The following AFF2 variants were observed in gnomAD, a reference collection of about 807,000 sequenced individuals.
The protein encoded by AFF2 is ALF transcription elongation factor 2, also known as AF4/FMR2 family member 2.
AFF2 carries 14 observed loss-of-function variants against 76.9 expected under a neutral mutation model. The observed-to-expected ratio is 0.18, with a 90% CI of 0.12 to 0.28. The LOEUF is 0.28. Among genes scored for constraint, AFF2 ranks in the 10% least tolerant of loss-of-function variants. The probability of loss-of-function intolerance (pLI) is 1.00; values close to 1 mark genes in which losing one functional copy is unlikely to be tolerated. For synonymous variants in AFF2, 398 were observed against 366.7 expected, an observed-to-expected ratio of 1.09 and a Z score of -0.98; for missense variants, 868 against 1,001.1, an observed-to-expected ratio of 0.87 and a Z score of 1.79.
At chrX:148,558,423 C>T (rs1557239969) in intron 1 of AFF2, among the ~76,000 whole-genome samples, 1 of 111,213 alleles carries the variant, frequency 9.0e-6, no homozygotes, top group Non-Finnish European at 1.9e-5. Flanking sequence ...CCTTTGAAGC[C>T]AGAAGCCAGA....
intron 4 of AFF2, among the ~76,000 whole-genome samples, chrX:148,812,432 G>T (rs190138441): frequency 9.0e-6 from 1 of 111,580 alleles, no homozygotes; most frequent in Admixed American, 9.5e-5. Context: ...GCTTCCAGTT[G>T]CTCATGAGAT....
At chrX:148,772,507 GT>G (rs1214246173) in intron 3 of AFF2, among the ~76,000 whole-genome samples, 5 of 95,390 alleles carry the variant, frequency 5.2e-5, no homozygotes, top group East Asian at 3.4e-4. Flanking sequence ...TTTCAAAGTT[GT>G]TTTTTTTTCT....
At position 148,500,667 on chromosome X, in the gene AFF2, C is replaced by CGCCGCCGCCGCCGCCGCT. The variant is rs1361216977; in HGVS notation, c.-424_-407dup. On this transcript the variant is annotated 5_prime_UTR_variant, in exon 1 of 21. Transcript: ENST00000370460. ...CCGCCGCCGCCGCCGCCGCCGCCGC[C>CGCCGCCGCCGCCGCCGCT]GCCGCCGCCGCCGCCGCTGCCGCCC... 1.0e-5 allele frequency: 1 copy of CGCCGCCGCCGCCGCCGCT among 96,101 alleles called. No individual in the cohort carries two copies. The highest frequency in any genetic ancestry group is 2.1e-5 in the Non-Finnish European group (1 of 47,168). 7.9% of individuals were successfully genotyped at this position (96,101 alleles called of 1,213,427 possible). A position where few individuals can be genotyped will look rare whatever the true frequency, so the allele number is the denominator to read the frequency against.
intron 3 of AFF2, among the ~76,000 whole-genome samples, chrX:148,752,888 G>C (rs1239111474): frequency 2.7e-5 from 3 of 111,455 alleles, no homozygotes; most frequent in Non-Finnish European, 5.7e-5. Context: ...TTGAGCAAAG[G>C]GTTCTTAGAC....
At chrX:148,785,495 C>T (rs1005388346) in intron 3 of AFF2, among the ~76,000 whole-genome samples, 19 of 111,886 alleles carry the variant, frequency 1.7e-4, no homozygotes, top group African/African-American at 6.2e-4. Context: ...GCATTAGTAA[C>T]AGCCTTCCTG....
chrX:148,751,571 C>T (rs1386729946), intron 3 of AFF2, among the ~76,000 whole-genome samples: 1 of 112,009 alleles, frequency 8.9e-6, no homozygotes, highest in Non-Finnish European at 1.9e-5. Context: ...TAAGAGTGTG[C>T]TAAGCAACCT....
intron 1 of AFF2, among the ~76,000 whole-genome samples, chrX:148,559,243 C>T (rs782814805): frequency 1.8e-5 from 2 of 111,344 alleles, no homozygotes. Context: ...AATCAAGACG[C>T]ATGCAGAAAA....
intron 15 of AFF2, among the ~76,000 whole-genome samples, chrX:148,971,126 G>GTT (rs142941450): frequency 6.5e-4 from 45 of 69,107 alleles, no homozygotes; most frequent in African/African-American, 1.9e-3. Context: ...TAACTTCATT[G>GTT]TTTTTTTTTT....
chrX:148,630,775 G>A (rs868993406), intron 1 of AFF2, among the ~76,000 whole-genome samples: 1 of 111,842 alleles, frequency 8.9e-6, no homozygotes, highest in Non-Finnish European at 1.9e-5. Flanking sequence ...AACCTTTACA[G>A]GTTCCCCTCT....
chrX:148,943,301 G>A (rs2071862876), intron 9 of AFF2, among the ~76,000 whole-genome samples: 1 of 112,506 alleles, frequency 8.9e-6, no homozygotes, highest in Non-Finnish European at 1.9e-5. Flanking sequence ...CTTTGAATAG[G>A]CTGACTGCAA....
rs186968345 is a variant in AFF2 at position 148,543,285 on chromosome X, A to T, written c.47+42141A>T. Among the ~76,000 whole-genome samples the T allele has an allele frequency of 9.0e-4, 101 of 111,992 alleles. 1 individual carries two copies. Among genetic ancestry groups the T allele is most frequent in the Non-Finnish European group, 1.6e-3 (85 of 53,223 alleles). ...AGAGCCCTGCTGATAGGCTTGGTTCATTGAAATGTGAATCTTATGTGCAAT... is the reference window on the plus strand; with the variant it reads ...AGAGCCCTGCTGATAGGCTTGGTTCTTTGAAATGTGAATCTTATGTGCAAT... On this transcript the variant is annotated intron_variant, in intron 1 of 20. Coordinates refer to ENST00000370460, the MANE Select transcript of AFF2 (RefSeq NM_002025.4).
chrX:148,628,680 C>A (rs1362922741), intron 1 of AFF2, among the ~76,000 whole-genome samples: 3 of 111,624 alleles, frequency 2.7e-5, no homozygotes, highest in Admixed American at 9.5e-5. Context: ...ATATTTGTTT[C>A]TAGAAGTAAA....
intron 1 of AFF2, among the ~76,000 whole-genome samples, chrX:148,640,932 C>G (rs1199301715): frequency 1.8e-5 from 2 of 111,649 alleles, no homozygotes; most frequent in Non-Finnish European, 3.8e-5. Flanking sequence ...CTTGAATTAG[C>G]TGAAGTGTTC....
chrX:148,926,130 C>T (rs782814214), intron 9 of AFF2, among the ~76,000 whole-genome samples: 2 of 111,554 alleles, frequency 1.8e-5, no homozygotes, highest in African/African-American at 6.5e-5. Flanking sequence ...CACCCAGCCA[C>T]GCTTAAGCTG....
chrX:148,924,138 A>G (rs1268043666), intron 9 of AFF2, among the ~76,000 whole-genome samples: 2 of 112,221 alleles, frequency 1.8e-5, no homozygotes, highest in Non-Finnish European at 3.8e-5. Flanking sequence ...TGTCAGCTTC[A>G]TATACTTTGG....
chrX:148,700,337 T>C (rs1178109649), intron 3 of AFF2, among the ~76,000 whole-genome samples: 3 of 110,620 alleles, frequency 2.7e-5, no homozygotes, highest in African/African-American at 9.9e-5. Context: ...CTTAATTAAA[T>C]GTGCCAGGCA....
intron 6 of AFF2, 122 bp from the exon 7 acceptor site, chrX:148,843,259 TA>T: frequency 1.8e-6 from 1 of 567,721 alleles, no homozygotes. Context: ...TTTTTTTTTT[TA>T]ATCTGTTACT....
At chrX:148,552,311 G>T (rs1048772299) in intron 1 of AFF2, among the ~76,000 whole-genome samples, 5 of 111,746 alleles carry the variant, frequency 4.5e-5, no homozygotes, top group Admixed American at 9.5e-5. Flanking sequence ...GTTGAAGCGT[G>T]GTATGAAAAC....
chrX:148,581,216 TATATA>T (rs1259912733), intron 1 of AFF2, among the ~76,000 whole-genome samples: 1 of 34,359 alleles, frequency 2.9e-5, no homozygotes, highest in Non-Finnish European at 4.7e-5. Context: ...TATACACACA[TATATA>T]ATATACGTAT....
Sources: allele counts gnomAD v4.1 joint callset (sites outside exome capture counted in the v4.1 genomes callset), GRCh38; gene constraint gnomAD v4.1.1; transcripts MANE v1.5; gene names NCBI Gene and HGNC (gene_info 2026-07-23, HGNC 2026-07-21).